Variants in CWF19L1 observed in about 807,000 individuals in gnomAD.
The protein encoded by CWF19L1 is CWF19 like cell cycle control factor 1.
CWF19L1 carries 60 observed loss-of-function variants against 69.7 expected under a neutral mutation model. The ratio of observed to expected loss-of-function variants is 0.86; its 90% confidence interval spans 0.70 to 1.07. The LOEUF (loss-of-function observed/expected upper bound fraction) is 1.07. Among genes scored for constraint, CWF19L1 ranks in the 50% least tolerant of loss-of-function variants. The pLI is 0.00. For synonymous variants in CWF19L1, 209 were observed against 222.2 expected (o/e 0.94, Z 0.53); for missense variants, 591 against 638.9 (o/e 0.92, Z 0.81).
intron 10 of CWF19L1, among the ~76,000 whole-genome samples, chr10:100,238,818 GCTAC>G (rs1304038793): frequency 6.6e-6 from 1 of 151,560 alleles, no homozygotes; most frequent in Non-Finnish European, 1.5e-5. Flanking sequence ...TGTAGTCCCA[GCTAC>G]TCGGGAGGCT....
intron 1 of CWF19L1, chr10:100,262,526 G>A (rs1374755686): frequency 1.4e-5 from 13 of 922,664 alleles, no homozygotes; most frequent in Middle Eastern, 1.1e-3. Flanking sequence ...CCTACCATAC[G>A]CTAAGTACAA....
At chr10:100,248,314 T>C in intron 7 of CWF19L1, 1 of 1,352,142 alleles carries the variant, frequency 7.4e-7, no homozygotes, top group Non-Finnish European at 1.0e-6. Flanking sequence ...GCCTTAGCTG[T>C]TGCAGGAGAC....
intron 1 of CWF19L1, 92 bp downstream of exon 1, chr10:100,267,479 C>T: frequency 1.9e-6 from 3 of 1,611,336 alleles, no homozygotes; most frequent in South Asian, 1.1e-5. Flanking sequence ...TTTCCTTCTC[C>T]CTTCCCGTCA....
rs982081706 is a variant in CWF19L1 at position 100,260,200 on chromosome 10, C to T, written c.289+18G>A. On this transcript the variant is annotated intron_variant, in intron 4 of 13. Transcript: ENST00000354105. ...AAAAACAAAAAACAAAAAAAAAATA[C>T]AACAAGTATCAGCTTACCCAGATAA... 20 of 1,493,426 alleles carry T rather than the reference C, an allele frequency of 1.3e-5. No individual in the cohort carries two copies. The highest frequency in any genetic ancestry group is 4.2e-5 in the African/African-American group (3 of 70,924). The allele number at this position is 1,493,426 out of a possible 1,614,324, so 92.5% of individuals were successfully genotyped here.
At chr10:100,263,695 T>G (rs1228865278) in intron 1 of CWF19L1, among the ~76,000 whole-genome samples, 2 of 152,188 alleles carry the variant, frequency 1.3e-5, no homozygotes, top group Non-Finnish European at 2.9e-5. Context: ...CACTGTTCTC[T>G]ATCCCACTGA....
chr10:100,266,665 G>A (rs181611924), intron 1 of CWF19L1, among the ~76,000 whole-genome samples: 122 of 139,948 alleles, frequency 8.7e-4, no homozygotes, highest in Admixed American at 2.8e-3. Context: ...ACAGGCACGC[G>A]CCACCACGCC....
Position 100,244,394 on chromosome 10 carries a change from C to T in CWF19L1, c.965-617G>A, listed in dbSNP as rs538197834. 9.2e-5 allele frequency among the ~76,000 whole-genome samples: 14 copies of T among 152,314 alleles called. 1 individual carries two copies. The highest frequency in any genetic ancestry group is 1.9e-4 in the African/African-American group (8 of 41,584). ...TTTTTGAGACGGAGTCTCGCTCTGTCGCCTAGGGTGGAGTACAGTGGCGCG... is the reference window on the plus strand; with the variant it reads ...TTTTTGAGACGGAGTCTCGCTCTGTTGCCTAGGGTGGAGTACAGTGGCGCG... On this transcript the variant is annotated intron_variant, in intron 9 of 13. Coordinates refer to ENST00000354105, the MANE Select transcript of CWF19L1 (RefSeq NM_018294.6).
At position 100,243,661 on chromosome 10, in the gene CWF19L1, C is replaced by T. The variant is rs112739369; in HGVS notation, c.1044+37G>A. ...ATAAAGTTAATAAAAAACAAATAGG[C>T]ATCTCCTTCTCTATAAAGTCCAAGG... On this transcript the variant is annotated intron_variant, in intron 10 of 13. Coordinates refer to ENST00000354105, the MANE Select transcript of CWF19L1 (RefSeq NM_018294.6). The T allele has an allele frequency of 8.1e-4, 1,225 of 1,518,292 alleles. 12 individuals are homozygous for T. The African/African-American group carries it at 9.3e-3, about 12-fold the overall frequency. The allele number at this position is 1,518,292 out of a possible 1,614,324, so 94.1% of individuals were successfully genotyped here. A position where few individuals can be genotyped will look rare whatever the true frequency, so the allele number is the denominator to read the frequency against.
chr10:100,236,101 CTTTTTTTTTT>C (rs781285945), intron 12 of CWF19L1, among the ~76,000 whole-genome samples: 1,733 of 131,358 alleles, frequency 0.013, 50 homozygotes, highest in African/African-American at 0.046. Context: ...TCCACTGCCT[CTTTTTTTTTT>C]TTTTTTTTTT....
rs542559166 is a variant in CWF19L1, at chr10:100,243,737, A to G, written c.1005T>C (p.Pro335=). ...TGACCACCAAATGTTTTTCCACTTC[A>G]GGGCTAGCAAGGCAAAACCAGCAGG... ...PGPCWFCLAS[P]EVEKHLVVNI... The change falls in exon 10 of 14, where the codon CCT becomes CCC. Residue 335 remains proline, a synonymous_variant. Coordinates refer to ENST00000354105, the MANE Select transcript of CWF19L1 (RefSeq NM_018294.6). 1.9e-6 allele frequency: 3 copies of G among 1,614,190 alleles called. No individual in the cohort carries two copies. The South Asian group carries it at 3.3e-5, about 18-fold the overall frequency.
At chr10:100,239,310 A>G (rs936854516) in intron 10 of CWF19L1, among the ~76,000 whole-genome samples, 17 of 152,314 alleles carry the variant, frequency 1.1e-4, no homozygotes, top group Admixed American at 5.9e-4. Flanking sequence ...GAAGGGCCCA[A>G]TGAGTACCAG....
chr10:100,239,633 T>C (rs1846573660), intron 10 of CWF19L1, among the ~76,000 whole-genome samples: 4 of 152,112 alleles, frequency 2.6e-5, no homozygotes, highest in Admixed American at 2.0e-4. Flanking sequence ...AACAAGACTG[T>C]CTCAGGAAAA....
At chr10:100,235,273 ATG>A (rs966205661) in intron 13 of CWF19L1, among the ~76,000 whole-genome samples, 4 of 152,222 alleles carry the variant, frequency 2.6e-5, no homozygotes, top group African/African-American at 7.2e-5. Flanking sequence ...TGAGTCATGT[ATG>A]TGTAAAGTTC....
chr10:100,245,601 C>T (rs1277290363), intron 9 of CWF19L1, among the ~76,000 whole-genome samples, 198 bp downstream of exon 9: 1 of 151,906 alleles, frequency 6.6e-6, no homozygotes, highest in African/African-American at 2.4e-5. Context: ...CATACATTGC[C>T]AGTGGGAATA....
At position 100,233,274 on chromosome 10, in the gene CWF19L1, G is replaced by A. The variant is rs756636089; in HGVS notation, c.1570C>T (p.Arg524Cys). The A allele has an allele frequency of 5.6e-6, 9 of 1,613,764 alleles. No homozygotes were observed. The highest frequency in any genetic ancestry group is 2.7e-5 in the African/African-American group (2 of 74,952). ...TAGGGCTCAAAGTCTTTCCGGAAGC[G>A]GCGAGCCAGGGTCTCCTCGTCTTCC... is the stretch of plus-strand genomic sequence containing the variant. ...SKEDEETLAR[R>C]FRKDFEPYDF... Residue 524 changes from arginine to cysteine, a missense_variant, in exon 14 of 14, where the codon CGC becomes TGC. Physicochemically the swap from Arg to Cys is radical, Grantham distance 180. Around this residue, in one of 3 missense-constraint regions of CWF19L1, gnomAD observed 458 missense variants for 489.3 expected, o/e 0.94. Coordinates refer to ENST00000354105, the MANE Select transcript of CWF19L1 (RefSeq NM_018294.6).
At chr10:100,260,189 A>G in intron 4 of CWF19L1, 29 bp downstream of exon 4, 1 of 1,478,160 alleles carries the variant, frequency 6.8e-7, no homozygotes, top group Non-Finnish European at 9.3e-7. Flanking sequence ...ACAAAAAACA[A>G]AAAAAAAATA....
chr10:100,267,603 T>C lies in CWF19L1; in HGVS notation c.-10A>G. 1.9e-6 allele frequency: 3 copies of C among 1,614,150 alleles called. No individual in the cohort carries two copies. Among genetic ancestry groups the C allele is most frequent in the Non-Finnish European group, 8.5e-7 (1 of 1,180,026 alleles). On this transcript the variant is annotated 5_prime_UTR_variant, in exon 1 of 14. Coordinates refer to ENST00000354105, the MANE Select transcript of CWF19L1 (RefSeq NM_018294.6). ...GCGGTTTCTGTGCCATCTGTCCGAA[T>C]AGTATGGGTTGCGACTGCCACCTAA...
intron 9 of CWF19L1, 31 bp from the exon 10 acceptor site, chr10:100,243,808 T>A (rs377647397): frequency 3.2e-6 from 5 of 1,570,826 alleles, no homozygotes; most frequent in Non-Finnish European, 3.5e-6. Flanking sequence ...GGTGTTACTA[T>A]GGTCCAAGCA....
Position 100,246,110 on chromosome 10 carries a change from A to AT in CWF19L1, c.850-198_850-197insA, listed in dbSNP as rs1589618370. On this transcript the variant is annotated intron_variant, in intron 8 of 13. Coordinates refer to ENST00000354105, the MANE Select transcript of CWF19L1 (RefSeq NM_018294.6). ...CTCAGTCATACATCAACACTTATCC[A>AT]AACTACTGCCAAATTCATCTCTTTG... is the stretch of plus-strand genomic sequence containing the variant. The AT allele has an allele frequency of 1.8e-5, 9 of 491,272 alleles. No homozygotes were observed. In the East Asian group the frequency reaches 1.8e-4, roughly 10 times the overall value. The allele number at this position is 491,272 out of a possible 1,614,324, so 30.4% of individuals were successfully genotyped here.
Sources: gnomAD v4.1 joint callset for allele counts (sites outside exome capture counted in the v4.1 genomes callset) on GRCh38, gnomAD v4.1.1 for gene constraint, gnomAD v4.1.1 regional missense constraint, MANE v1.5 for transcripts, NCBI Gene and HGNC (gene_info 2026-07-23, HGNC 2026-07-21) for gene names.